ZC3H13: variants seen among roughly 807,000 people sequenced by gnomAD.
The protein encoded by ZC3H13 is zinc finger CCCH domain-containing protein 13.
In ZC3H13, 64 loss-of-function variants were observed where a neutral mutation model predicts 204.1. That is an observed-to-expected ratio of 0.31 (90% CI 0.26 to 0.39). The LOEUF (loss-of-function observed/expected upper bound fraction) is 0.39. Among genes scored for constraint, ZC3H13 ranks in the 10% least tolerant of loss-of-function variants. ZC3H13 has a pLI of 1.00. For synonymous variants in ZC3H13, 667 were observed against 693.7 expected, an observed-to-expected ratio of 0.96 and a Z score of 0.60; for missense variants, 1,833 against 2,082.7, an observed-to-expected ratio of 0.88 and a Z score of 2.33.
At chr13:45,958,092 G>A (rs1378035169) in intron 18 of ZC3H13, among the ~76,000 whole-genome samples, 1 of 152,120 alleles carries the variant, frequency 6.6e-6, no homozygotes, top group Non-Finnish European at 1.5e-5. Context: ...ACTTTTAAGT[G>A]AGGAAAACTT....
Position 45,970,051 on chromosome 13 carries a change from C to T in ZC3H13, c.2573-80G>A, listed in dbSNP as rs566246674. 1.0e-5 allele frequency: 15 copies of T among 1,486,620 alleles called. No homozygotes were observed. The Admixed American group carries it at 1.2e-4, about 11-fold the overall frequency. 92.1% of individuals were successfully genotyped at this position (1,486,620 alleles called of 1,614,324 possible). On this transcript the variant is annotated intron_variant, in intron 13 of 18. Coordinates refer to ENST00000679008, the MANE Select transcript of ZC3H13 (RefSeq NM_001330564.2). ...GTACATATAGATTATAATAATTTCT[C>T]CTCACACCTGTAATCCCAGGACTTT...
At chr13:45,983,064 A>T (rs1953797940) in intron 10 of ZC3H13, among the ~76,000 whole-genome samples, 1 of 152,134 alleles carries the variant, frequency 6.6e-6, no homozygotes, top group African/African-American at 2.4e-5. Flanking sequence ...GAACAAACAG[A>T]CTAAGAAAAA....
Position 45,985,414 on chromosome 13 carries a change from T to C in ZC3H13, c.1603A>G (p.Arg535Gly). 1 of 1,614,238 alleles carries C rather than the reference T, an allele frequency of 6.2e-7. No homozygotes were observed. The highest frequency in any genetic ancestry group is 1.7e-5 in the Admixed American group (1 of 60,028). The change falls in exon 10 of 19, where the codon AGA (arginine) becomes GGA (glycine). Residue 535 changes from arginine (R) to glycine (G), a missense_variant. By Grantham distance (125) the Arg-to-Gly change is moderately radical. Transcript: ENST00000679008. ...ATTTCCGTACGAGAACTTTCTTCTC[T>C]CAAATGGTTTCGGCCATAACTCCGG... ...ESRSYGRNHL[R>G]EESSRTEIRN...
chr13:45,959,809 A>T (rs1340529080), intron 17 of ZC3H13, among the ~76,000 whole-genome samples, 163 bp from the exon 18 acceptor site: 1 of 152,242 alleles, frequency 6.6e-6, no homozygotes, highest in African/African-American at 2.4e-5. Context: ...AGCACCTTCA[A>T]CACGTAGTTA....
intron 4 of ZC3H13, among the ~76,000 whole-genome samples, chr13:46,031,858 T>C (rs573855554): frequency 4.6e-5 from 7 of 152,326 alleles, no homozygotes; most frequent in South Asian, 4.1e-4. Context: ...CTTTAGAAGA[T>C]AGTTGGCAGT....
At chr13:46,017,714 C>A (rs767429592) in intron 5 of ZC3H13, among the ~76,000 whole-genome samples, 1 of 151,886 alleles carries the variant, frequency 6.6e-6, no homozygotes, top group Non-Finnish European at 1.5e-5. Context: ...TATAAATATA[C>A]CAATTTTTTC....
chr13:46,052,085 C>T (rs2139309036), intron 1 of ZC3H13: 1 of 153,188 alleles, frequency 6.5e-6, no homozygotes, highest in South Asian at 2.1e-4. Flanking sequence ...AAATTTAAGC[C>T]CAAATTGCTG....
At chr13:45,958,213 T>C (rs935894193) in intron 18 of ZC3H13, among the ~76,000 whole-genome samples, 1 of 152,202 alleles carries the variant, frequency 6.6e-6, no homozygotes, top group Non-Finnish European at 1.5e-5. Flanking sequence ...GAATCCCCCC[T>C]ACCCACTACC....
At chr13:46,014,838 C>T (rs1017150089) in intron 5 of ZC3H13, among the ~76,000 whole-genome samples, 1 of 152,206 alleles carries the variant, frequency 6.6e-6, no homozygotes, top group African/African-American at 2.4e-5. Context: ...ACATTCAACA[C>T]TGCCCTATAA....
Position 45,985,522 on chromosome 13 carries a change from G to T in ZC3H13, c.1495C>A (p.Arg499=), listed in dbSNP as rs770901743. The T allele has an allele frequency of 6.2e-7, 1 of 1,614,154 alleles. No homozygotes were observed. Among genetic ancestry groups the T allele is most frequent in the East Asian group, 2.2e-5 (1 of 44,886 alleles). ...TKESRDPRDS[R]STRDAHDYRD... ...TAGTCATGGGCATCACGAGTGGACC[G>T]AGAATCTCTGGGATCACGGCTCTCT... Residue 499 remains arginine (R), a synonymous_variant, in exon 10 of 19, where the codon CGG becomes AGG. Coordinates refer to ENST00000679008, the MANE Select transcript of ZC3H13 (RefSeq NM_001330564.2).
intron 8 of ZC3H13, among the ~76,000 whole-genome samples, chr13:45,999,297 A>ACAT (rs2040572756): frequency 6.6e-6 from 1 of 152,176 alleles, no homozygotes; most frequent in African/African-American, 2.4e-5. Context: ...AAAAACAAAA[A>ACAT]ACAGCACACA....
At position 45,983,401 on chromosome 13, in the gene ZC3H13, T is replaced by TATATATATATATATATATATA; in HGVS notation, c.1720+1895_1720+1896insTATATATATATATATATATAT. On this transcript the variant is annotated intron_variant, in intron 10 of 18. Coordinates refer to ENST00000679008, the MANE Select transcript of ZC3H13 (RefSeq NM_001330564.2). ...TGAAACAAAGCAAAGCCCCTTCTAC[T>TATATATATATATATATATATA]TATATATATATATTTTTTTTTTTTT... Among the ~76,000 whole-genome samples the TATATATATATATATATATATA allele has an allele frequency of 8.7e-4, 31 of 35,488 alleles. 1 individual carries two copies. The highest frequency in any genetic ancestry group is 1.1e-3 in the African/African-American group (6 of 5,600). 23.3% of individuals were successfully genotyped at this position (35,488 alleles called of 152,430 possible). A position where few individuals can be genotyped will look rare whatever the true frequency, so the allele number is the denominator to read the frequency against.
chr13:45,988,743 G>T (rs756399218), intron 9 of ZC3H13, 44 bp downstream of exon 9: 2 of 1,554,238 alleles, frequency 1.3e-6, no homozygotes, highest in East Asian at 2.3e-5. Context: ...AATAAAGCTG[G>T]ATGTTCAATT....
chr13:46,000,733 A>G (rs1232820281), intron 8 of ZC3H13, among the ~76,000 whole-genome samples: 1 of 152,152 alleles, frequency 6.6e-6, no homozygotes, highest in Non-Finnish European at 1.5e-5. Flanking sequence ...TTTCCTTTGC[A>G]TTCACAACTT....
In ZC3H13 at chr13:45,969,921, A is replaced by T; in HGVS notation, c.2623T>A (p.Ser875Thr). 1 of 1,613,468 alleles carries T rather than the reference A, an allele frequency of 6.2e-7. No individual in the cohort carries two copies. Among genetic ancestry groups the T allele is most frequent in the African/African-American group, 1.3e-5 (1 of 74,996 alleles). Residue 875 changes from serine (S) to threonine (T), a missense_variant, in exon 14 of 19, where the codon TCT becomes ACT. By Grantham distance (58) the Ser-to-Thr change is moderately conservative. Transcript: ENST00000679008. ...TCTGTGAGGTGCGAGGGACTAAGAG[A>T]ACGAGATTCTTGAGGTCGTACAACT... ...SQVVRPQESR[S>T]LSPSHLTEDR...
Position 45,954,526 on chromosome 13 carries a change from C to T in ZC3H13, c.*2601G>A, listed in dbSNP as rs1951186850. 1 of 151,902 alleles carries T rather than the reference C, an allele frequency of 6.6e-6. No homozygotes were observed. The highest frequency in any genetic ancestry group is 1.5e-5 in the Non-Finnish European group (1 of 67,994). 9.4% of individuals were successfully genotyped at this position (151,902 alleles called of 1,614,324 possible). On this transcript the variant is annotated 3_prime_UTR_variant, in exon 19 of 19. Coordinates refer to ENST00000679008, the MANE Select transcript of ZC3H13 (RefSeq NM_001330564.2). ...GAAAAATGATAAAATAAGGCAAGTCCTAGATCAGATTTAAATACAATATTT... is the reference window on the plus strand; with the variant it reads ...GAAAAATGATAAAATAAGGCAAGTCTTAGATCAGATTTAAATACAATATTT...
At chr13:46,004,694 C>A (rs925718649) in intron 7 of ZC3H13, among the ~76,000 whole-genome samples, 12 of 152,136 alleles carry the variant, frequency 7.9e-5, no homozygotes, top group Admixed American at 5.9e-4. Flanking sequence ...AACACAATTA[C>A]ATCATCTACA....
intron 4 of ZC3H13, among the ~76,000 whole-genome samples, chr13:46,039,152 C>T (rs533926393): frequency 8.5e-5 from 13 of 152,310 alleles, no homozygotes; most frequent in Admixed American, 7.2e-4. Context: ...CTTAGGTATA[C>T]ACGATGCTCA....
chr13:45,964,927 C>T (rs1275306420), intron 16 of ZC3H13, among the ~76,000 whole-genome samples: 1 of 152,140 alleles, frequency 6.6e-6, no homozygotes, highest in African/African-American at 2.4e-5. Flanking sequence ...GCTTGTGTCA[C>T]CACAGTTGTG....
Sources: gnomAD v4.1 joint callset for allele counts (sites outside exome capture counted in the v4.1 genomes callset) on GRCh38, gnomAD v4.1.1 for gene constraint, MANE v1.5 for transcripts, NCBI Gene and HGNC (gene_info 2026-07-23, HGNC 2026-07-21) for gene names.